NCOA6: variants seen among roughly 807,000 people sequenced by gnomAD.
NCOA6 encodes nuclear receptor coactivator 6.
A neutral mutation model predicts 171.4 loss-of-function variants in NCOA6; 49 were observed. The observed-to-expected ratio is 0.29, with a 90% CI of 0.23 to 0.36. The LOEUF (loss-of-function observed/expected upper bound fraction) is 0.36. Among genes scored for constraint, NCOA6 ranks in the 10% least tolerant of loss-of-function variants. The pLI is 1.00. For synonymous variants in NCOA6, 910 were observed against 927.5 expected (o/e 0.98, Z 0.34); for missense variants, 2,248 against 2,554.5 (o/e 0.88, Z 2.59).
At chr20:34,790,074 T>TAA (rs61537155) in intron 2 of NCOA6, among the ~76,000 whole-genome samples, 32 of 138,406 alleles carry the variant, frequency 2.3e-4, no homozygotes, top group African/African-American at 2.7e-4. Context: ...TTTCTACTAT[T>TAA]AAAAAAAAAA....
intron 8 of NCOA6, among the ~76,000 whole-genome samples, chr20:34,750,768 C>A (rs1294279016): frequency 6.6e-6 from 1 of 152,152 alleles, no homozygotes; most frequent in Non-Finnish European, 1.5e-5. Context: ...CATATGGTAT[C>A]TTAAAGATTT....
chr20:34,759,672 T>C, intron 5 of NCOA6, among the ~76,000 whole-genome samples: 1 of 152,230 alleles, frequency 6.6e-6, no homozygotes, highest in East Asian at 1.9e-4. Flanking sequence ...AGGGTTCCAT[T>C]GTATAGAAGC....
At chr20:34,788,708 G>T (rs1331605218) in intron 2 of NCOA6, among the ~76,000 whole-genome samples, 2 of 152,170 alleles carry the variant, frequency 1.3e-5, no homozygotes, top group African/African-American at 4.8e-5. Context: ...CACTTTGAGA[G>T]GCCGAAGCAG....
At chr20:34,775,207 A>C (rs2077271308) in intron 4 of NCOA6, among the ~76,000 whole-genome samples, 2 of 152,174 alleles carry the variant, frequency 1.3e-5, no homozygotes, top group South Asian at 2.1e-4. Flanking sequence ...AGACCATGCA[A>C]AGCCTGAGGT....
At chr20:34,779,368 G>A (rs116023753) in intron 3 of NCOA6, among the ~76,000 whole-genome samples, 4,361 of 152,094 alleles carry the variant, frequency 0.029, 221 homozygotes, top group African/African-American at 0.1. Flanking sequence ...CAGAAAATTA[G>A]CTGGGTGCAG....
chr20:34,749,441 TTTC>T lies in NCOA6; in HGVS notation c.2751_2753del (p.Lys918del), dbSNP rs1157542642. 2.5e-6 allele frequency: 4 copies of T among 1,610,132 alleles called. No homozygotes were observed. Among genetic ancestry groups the T allele is most frequent in the Admixed American group, 1.7e-5 (1 of 59,632 alleles). On this transcript the variant is annotated inframe_deletion, in exon 9 of 15. Coordinates refer to ENST00000359003, the MANE Select transcript of NCOA6 (RefSeq NM_014071.5). The stretch of plus-strand genomic sequence containing the variant: ...GACTATTTTTCTTCTTCCGAGGGGG[TTTC>T]TTCTTCTTCGGTTTATTTGCGTTGG...
At chr20:34,817,609 C>T (rs115198863) in intron 1 of NCOA6, among the ~76,000 whole-genome samples, 120 of 152,202 alleles carry the variant, frequency 7.9e-4, no homozygotes, top group African/African-American at 2.8e-3. Flanking sequence ...TAGGCAGCTA[C>T]TTTATGTCCT....
At chr20:34,724,332 C>A (rs1427173401) in intron 14 of NCOA6, among the ~76,000 whole-genome samples, 1 of 152,178 alleles carries the variant, frequency 6.6e-6, no homozygotes, top group Non-Finnish European at 1.5e-5. Flanking sequence ...TGACCTCTGG[C>A]CTATTCCCAG....
intron 1 of NCOA6, chr20:34,809,666 T>C (rs1408167767): frequency 1.0e-5 from 4 of 388,850 alleles, no homozygotes; most frequent in Non-Finnish European, 1.8e-5. Flanking sequence ...CTAATTTTAC[T>C]CTAGAAAGAG....
At chr20:34,761,443 G>GT (rs2076815172) in intron 5 of NCOA6, among the ~76,000 whole-genome samples, 1 of 147,482 alleles carries the variant, frequency 6.8e-6, no homozygotes, top group Non-Finnish European at 1.5e-5. Context: ...GCATTTTTAC[G>GT]TTTCCAAAAA....
At chr20:34,743,466 C>T in intron 10 of NCOA6, 125 bp from the exon 11 acceptor site, 2 of 991,044 alleles carry the variant, frequency 2.0e-6, no homozygotes, top group Non-Finnish European at 2.9e-6. Context: ...CTCAGGCATG[C>T]CCACTCCTGG....
intron 2 of NCOA6, among the ~76,000 whole-genome samples, chr20:34,783,747 C>T (rs1015678920): frequency 4.6e-5 from 7 of 152,228 alleles, no homozygotes; most frequent in African/African-American, 1.4e-4. Context: ...CTCAGCCTCC[C>T]GAGTAGCTGG....
In NCOA6 at chr20:34,742,384, G is replaced by C. The variant is rs1427506978; in HGVS notation, c.3872C>G (p.Thr1291Ser). 25 of 1,614,206 alleles carry C rather than the reference G, an allele frequency of 1.5e-5. No homozygotes were observed. The highest frequency in any genetic ancestry group is 1.9e-5 in the Non-Finnish European group (22 of 1,180,036). The change falls in exon 11 of 15, where the codon ACC becomes AGC. Residue 1291 changes from threonine to serine, a missense_variant. Physicochemically the swap from Thr to Ser is moderately conservative, Grantham distance 58 (BLOSUM62 1). Transcript: ENST00000359003. ...KAIGQAPSNL[T>S]MNPSNFATPQ... is the part of the protein sequence containing the mutation. The stretch of plus-strand genomic sequence containing the variant: ...GGTAGCAAAATTGGAAGGATTCATG[G>C]TAAGATTTGAAGGTGCTTGCCCGAT...
chr20:34,802,850 G>A (rs1345813696), intron 1 of NCOA6, among the ~76,000 whole-genome samples: 1 of 152,104 alleles, frequency 6.6e-6, no homozygotes, highest in Non-Finnish European at 1.5e-5. Flanking sequence ...GTCTCACCCT[G>A]CTGCCCAGGC....
At chr20:34,738,062 C>G (rs1293776360) in intron 11 of NCOA6, among the ~76,000 whole-genome samples, 1 of 152,102 alleles carries the variant, frequency 6.6e-6, no homozygotes, top group Non-Finnish European at 1.5e-5. Context: ...CCATGCCCAG[C>G]TAATTTTTAC....
intron 14 of NCOA6, among the ~76,000 whole-genome samples, chr20:34,716,623 T>C (rs2146869609): frequency 6.6e-6 from 1 of 152,140 alleles, no homozygotes; most frequent in East Asian, 1.9e-4. Context: ...TGGTGGCACA[T>C]GCCTGTAGTC....
At position 34,749,982 on chromosome 20, in the gene NCOA6, G is replaced by C. The variant is rs561915690; in HGVS notation, c.2213C>G (p.Pro738Arg). ...TCCCCTCATTATCTGGGCTGGTCCC[G>C]GCATGACATTGGACTGGTTCTGAGT... ...FNTQNQSNVM[P>R]GPAQIMRGPT... Residue 738 changes from proline to arginine, a missense_variant, in exon 9 of 15, where the codon CCG (proline) becomes CGG (arginine). Pro to Arg is a moderately radical substitution (Grantham distance 103). Transcript: ENST00000359003. 2 of 1,614,190 alleles carry C rather than the reference G, an allele frequency of 1.2e-6. No individual in the cohort carries two copies. Among genetic ancestry groups the C allele is most frequent in the Non-Finnish European group, 1.7e-6 (2 of 1,180,036 alleles).
At position 34,816,086 on chromosome 20, in the gene NCOA6, T is replaced by A. The variant is rs544631399; in HGVS notation, c.-164+9386A>T. Among the ~76,000 whole-genome samples the A allele has an allele frequency of 3.9e-5, 6 of 152,310 alleles. No individual in the cohort carries two copies. In the South Asian group the frequency reaches 1.2e-3, roughly 32 times the overall value. ...TCCTCAACAAACCAGCAAATCAGAC[T>A]TCTCACTATTTCATTACCTAAATAT... On this transcript the variant is annotated intron_variant, in intron 1 of 14. Transcript: ENST00000359003.
rs1233696186 is a variant in NCOA6 at position 34,740,516 on chromosome 20, C to T, written c.5740G>A (p.Val1914Ile). 1.2e-6 allele frequency: 2 copies of T among 1,614,042 alleles called. No homozygotes were observed. Among genetic ancestry groups the T allele is most frequent in the Non-Finnish European group, 8.5e-7 (1 of 1,180,034 alleles). The change falls in exon 11 of 15, where the codon GTA (valine) becomes ATA (isoleucine). Residue 1914 changes from valine (V) to isoleucine (I), a missense_variant. Val to Ile is a conservative substitution (Grantham distance 29, BLOSUM62 3). Around this residue, in one of 7 missense-constraint regions of NCOA6, gnomAD observed 884 missense variants for 941.9 expected, o/e 0.94. Coordinates refer to ENST00000359003, the MANE Select transcript of NCOA6 (RefSeq NM_014071.5). The part of the protein sequence containing the change: ...SLPGGALPTS[V>I]RSIVTTLVPS... ...ACCAGAGTGGTTACTATCGAGCGTA[C>T]ACTGGTGGGGAGAGCACCGCCAGGT... is the stretch of plus-strand genomic sequence containing the variant.
Sources: allele counts gnomAD v4.1 joint callset (sites outside exome capture counted in the v4.1 genomes callset), GRCh38; gene constraint gnomAD v4.1.1; regional missense constraint gnomAD v4.1.1; transcripts MANE v1.5; gene names NCBI Gene and HGNC (gene_info 2026-07-23, HGNC 2026-07-21).